Variants in NLGN1 observed in about 807,000 individuals in gnomAD.
NLGN1 encodes neuroligin 1, also known as neuroligin-1.
A neutral mutation model predicts 65.5 loss-of-function variants in NLGN1; 12 were observed. That is an observed-to-expected ratio of 0.18 (90% CI 0.12 to 0.30). The LOEUF (loss-of-function observed/expected upper bound fraction) is 0.30. Among genes scored for constraint, NLGN1 ranks in the 10% least tolerant of loss-of-function variants. The probability of loss-of-function intolerance (pLI) is 1.00; values close to 1 mark genes in which losing one functional copy is unlikely to be tolerated. For missense variants in NLGN1, 750 were observed against 1,007.1 expected (o/e 0.74, Z 3.46); for synonymous variants, 350 against 359.5 (o/e 0.97, Z 0.30).
chr3:173,795,982 G>A (rs1713974117), intron 3 of NLGN1, among the ~76,000 whole-genome samples: 1 of 152,078 alleles, frequency 6.6e-6, no homozygotes, highest in Non-Finnish European at 1.5e-5. Flanking sequence ...TGGGACCACT[G>A]GAGCCAGAAG....
chr3:174,134,154 A>C (rs1223398674), intron 4 of NLGN1, among the ~76,000 whole-genome samples: 9 of 152,194 alleles, frequency 5.9e-5, no homozygotes, highest in Non-Finnish European at 1.3e-4. Flanking sequence ...AAAGGACAGA[A>C]ATAGGAGAAT....
At chr3:173,552,192 A>G (rs1340068644) in intron 2 of NLGN1, among the ~76,000 whole-genome samples, 2 of 152,164 alleles carry the variant, frequency 1.3e-5, no homozygotes. Context: ...AATGTGGAGA[A>G]ATCTTTTTGA....
chr3:174,213,448 C>T (rs1169654430), intron 4 of NLGN1, among the ~76,000 whole-genome samples: 1 of 152,084 alleles, frequency 6.6e-6, no homozygotes, highest in Non-Finnish European at 1.5e-5. Flanking sequence ...ATATGAGGAA[C>T]AGAGATGTAT....
rs377576924 is a variant in NLGN1, at chr3:174,238,651, C to T, written c.647-36664C>T. 1.1e-4 allele frequency among the ~76,000 whole-genome samples: 16 copies of T among 152,282 alleles called. No individual in the cohort carries two copies. In the East Asian group the frequency reaches 1.9e-3, roughly 18 times the overall value. ...CTGTGATTAAAGGCGTGAGACACCG[C>T]GCCCAGCCTATGAAGTACTTCTTAT... On this transcript the variant is annotated intron_variant, in intron 4 of 6. Coordinates refer to ENST00000457714, the Ensembl canonical transcript of NLGN1.
At chr3:174,144,744 C>T (rs192702796) in intron 4 of NLGN1, among the ~76,000 whole-genome samples, 1 of 152,208 alleles carries the variant, frequency 6.6e-6, no homozygotes, top group African/African-American at 2.4e-5. Flanking sequence ...ATATCCTTTG[C>T]CCACTTTTTG....
chr3:173,741,544 G>A (rs1178396156), intron 3 of NLGN1, among the ~76,000 whole-genome samples: 1 of 152,076 alleles, frequency 6.6e-6, no homozygotes, highest in African/African-American at 2.4e-5. Flanking sequence ...TCAGGTTGGA[G>A]TGCAGTGGCG....
intron 4 of NLGN1, among the ~76,000 whole-genome samples, chr3:173,972,216 A>G (rs1224259287): frequency 6.6e-6 from 1 of 152,152 alleles, no homozygotes. Context: ...TGAAGGCAGG[A>G]AACCTGCCTG....
intron 4 of NLGN1, among the ~76,000 whole-genome samples, chr3:174,189,775 C>T (rs1026421919): frequency 6.6e-6 from 1 of 151,854 alleles, no homozygotes; most frequent in African/African-American, 2.4e-5. Flanking sequence ...CAAAGGGAGA[C>T]AGTTCATTAA....
chr3:174,242,628 G>T (rs1743098054), intron 4 of NLGN1, among the ~76,000 whole-genome samples: 1 of 151,998 alleles, frequency 6.6e-6, no homozygotes, highest in Non-Finnish European at 1.5e-5. Context: ...CTGATGATCT[G>T]TCACTGTCTC....
intron 2 of NLGN1, among the ~76,000 whole-genome samples, chr3:173,536,794 T>C (rs766227351): frequency 2.6e-5 from 4 of 152,066 alleles, no homozygotes; most frequent in African/African-American, 7.2e-5. Flanking sequence ...TAGGGAGAGA[T>C]AAATTTATTA....
At chr3:173,722,837 T>G (rs1023473798) in intron 3 of NLGN1, among the ~76,000 whole-genome samples, 3 of 152,150 alleles carry the variant, frequency 2.0e-5, no homozygotes, top group Admixed American at 1.3e-4. Flanking sequence ...TTTAAGAGCA[T>G]CTACTATGTG....
chr3:174,251,723 C>T (rs1744799092), intron 4 of NLGN1, among the ~76,000 whole-genome samples: 1 of 152,140 alleles, frequency 6.6e-6, no homozygotes, highest in African/African-American at 2.4e-5. Context: ...TAATTTGGCT[C>T]TGATCAACAA....
chr3:173,653,594 G>A lies in NLGN1; in HGVS notation c.493+48503G>A, dbSNP rs66638620. Among the ~76,000 whole-genome samples, 668 of 152,128 alleles carry A rather than the reference G, an allele frequency of 4.4e-3. 3 individuals carry two copies. Among genetic ancestry groups the A allele is most frequent in the Non-Finnish European group, 5.6e-3 (383 of 67,990 alleles). On this transcript the variant is annotated intron_variant, in intron 3 of 6. Transcript: ENST00000457714. ...TTTAGTTTAAGAAAATGAAAACTTC[G>A]CATTTTTATAAACATTATGTTCAAT...
chr3:173,857,459 C>A (rs1341821116), intron 4 of NLGN1, among the ~76,000 whole-genome samples: 5 of 152,004 alleles, frequency 3.3e-5, no homozygotes, highest in African/African-American at 4.8e-5. Flanking sequence ...AAACCCAATA[C>A]GTTTTCCAAT....
chr3:173,824,748 A>C, intron 4 of NLGN1, among the ~76,000 whole-genome samples: 1 of 152,112 alleles, frequency 6.6e-6, no homozygotes, highest in Non-Finnish European at 1.5e-5. Flanking sequence ...TTGACTAAGC[A>C]CTTAACCATT....
At chr3:173,542,195 T>A (rs1739001229) in intron 2 of NLGN1, among the ~76,000 whole-genome samples, 1 of 151,982 alleles carries the variant, frequency 6.6e-6, no homozygotes, top group African/African-American at 2.4e-5. Flanking sequence ...TTTGAAAAAA[T>A]TCATTTCCCC....
intron 2 of NLGN1, among the ~76,000 whole-genome samples, chr3:173,546,005 G>A (rs1469024247): frequency 1.3e-5 from 2 of 152,102 alleles, no homozygotes; most frequent in Non-Finnish European, 2.9e-5. Context: ...ATGATGGGTT[G>A]ATAGGTGCAG....
At chr3:173,933,486 G>T (rs1744508567) in intron 4 of NLGN1, among the ~76,000 whole-genome samples, 1 of 151,958 alleles carries the variant, frequency 6.6e-6, no homozygotes, top group African/African-American at 2.4e-5. Context: ...TGGCCAGAGG[G>T]GTATCTATCT....
chr3:174,242,670 A>C (rs1057018064), intron 4 of NLGN1, among the ~76,000 whole-genome samples: 6 of 152,160 alleles, frequency 3.9e-5, no homozygotes, highest in Admixed American at 3.3e-4. Flanking sequence ...ATCTAGTTGC[A>C]AGAAAACAAG....
Sources: allele counts gnomAD v4.1 joint callset (sites outside exome capture counted in the v4.1 genomes callset), GRCh38; gene constraint gnomAD v4.1.1; transcripts MANE v1.5; gene names NCBI Gene and HGNC (gene_info 2026-07-23, HGNC 2026-07-21).